OR3A2: variants seen among roughly 807,000 people sequenced by gnomAD.
OR3A2 encodes olfactory receptor family 3 subfamily A member 2, also known as olfactory receptor 3A2.
For synonymous variants in OR3A2, 126 were observed against 159.3 expected (o/e 0.79, Z 1.57); for missense variants, 318 against 392.8 (o/e 0.81, Z 1.61).
chr17:3,362,024 T>C (rs1361053921), intron 2 of OR3A2, among the ~76,000 whole-genome samples: 2 of 151,650 alleles, frequency 1.3e-5, no homozygotes, highest in Non-Finnish European at 2.9e-5. Flanking sequence ...TGGTAGAATT[T>C]GGCTGTGAAT....
chr17:3,352,003 C>G (rs563442763), intron 2 of OR3A2, among the ~76,000 whole-genome samples: 2 of 152,082 alleles, frequency 1.3e-5, no homozygotes, highest in Admixed American at 1.3e-4. Context: ...AAACTGGATC[C>G]CTTCCTTACA....
chr17:3,334,611 C>G lies in OR3A2; in HGVS notation c.-85+1422G>C, dbSNP rs1189796076. Among the ~76,000 whole-genome samples, 4 of 152,122 alleles carry G rather than the reference C, an allele frequency of 2.6e-5. No homozygotes were observed. The East Asian group carries it at 7.7e-4, about 29-fold the overall frequency. On this transcript the variant is annotated intron_variant, in intron 3 of 4. Coordinates refer to the OR3A2 transcript ENST00000573491. ...GACTGCTCTCACATGTTTTCTCTTCCAGGTTGACTATAGAATTATTTTTGC... is the reference window on the plus strand; with the variant it reads ...GACTGCTCTCACATGTTTTCTCTTCGAGGTTGACTATAGAATTATTTTTGC...
intron 2 of OR3A2, among the ~76,000 whole-genome samples, chr17:3,364,619 G>A (rs567602578): frequency 1.3e-5 from 2 of 152,270 alleles, no homozygotes; most frequent in South Asian, 4.2e-4. Flanking sequence ...ACAAGCATTG[G>A]CAAGGATATG....
intron 2 of OR3A2, among the ~76,000 whole-genome samples, chr17:3,348,588 C>G (rs1398645078): frequency 6.6e-6 from 1 of 152,080 alleles, no homozygotes; most frequent in Non-Finnish European, 1.5e-5. Flanking sequence ...AGAATGGAAC[C>G]AAGTTGGAAA....
At chr17:3,292,040 G>A (rs2048875778) in intron 3 of OR3A2, 3 of 1,614,230 alleles carry the variant, frequency 1.9e-6, no homozygotes, top group Non-Finnish European at 2.5e-6. Context: ...GGAGGTCACA[G>A]TAGAAGTGAT....
chr17:3,322,303 T>C (rs2049131001), intron 3 of OR3A2, among the ~76,000 whole-genome samples: 1 of 152,190 alleles, frequency 6.6e-6, no homozygotes, highest in Non-Finnish European at 1.5e-5. Flanking sequence ...ATCAATTTTG[T>C]TGATCTTTTC....
At chr17:3,348,085 T>G (rs938420853) in intron 2 of OR3A2, among the ~76,000 whole-genome samples, 1 of 152,158 alleles carries the variant, frequency 6.6e-6, no homozygotes, top group African/African-American at 2.4e-5. Context: ...CACTTTTTGA[T>G]GGGGTTGTTT....
chr17:3,376,598 C>G (rs1170889670), intron 2 of OR3A2, among the ~76,000 whole-genome samples: 2 of 152,164 alleles, frequency 1.3e-5, no homozygotes, highest in African/African-American at 4.8e-5. Context: ...TGTCACCCAG[C>G]TTCCATGCAG....
intron 2 of OR3A2, among the ~76,000 whole-genome samples, chr17:3,380,284 A>T (rs2049722964): frequency 6.6e-6 from 1 of 152,212 alleles, no homozygotes; most frequent in Admixed American, 6.5e-5. Flanking sequence ...AATACACGAG[A>T]ACGACCTGCC....
At chr17:3,365,492 G>C (rs2049554822) in intron 2 of OR3A2, among the ~76,000 whole-genome samples, 1 of 152,186 alleles carries the variant, frequency 6.6e-6, no homozygotes, top group African/African-American at 2.4e-5. Flanking sequence ...GATAATGGAG[G>C]CTATGCTGAG....
intron 3 of OR3A2, among the ~76,000 whole-genome samples, chr17:3,300,515 C>T (rs12944331): frequency 0.47 from 70,974 of 151,652 alleles, 18,033 homozygotes; most frequent in East Asian, 0.96. Context: ...GCTGAGATCA[C>T]ACCACTGCAC....
intron 3 of OR3A2, among the ~76,000 whole-genome samples, chr17:3,323,360 C>G (rs1282441288): frequency 6.6e-6 from 1 of 151,926 alleles, no homozygotes; most frequent in East Asian, 1.9e-4. Context: ...TATTTATATT[C>G]AAAGTTAATA....
intron 3 of OR3A2, among the ~76,000 whole-genome samples, chr17:3,306,475 A>G (rs1470515254): frequency 6.6e-6 from 1 of 152,118 alleles, no homozygotes; most frequent in Non-Finnish European, 1.5e-5. Context: ...TTCCTCATCC[A>G]GGAGGCACCA....
At chr17:3,315,808 C>A (rs545867595) in intron 3 of OR3A2, among the ~76,000 whole-genome samples, 11 of 149,640 alleles carry the variant, frequency 7.4e-5, no homozygotes, top group African/African-American at 2.2e-4. Flanking sequence ...AGTGTTTTCT[C>A]TCCAGCCTTC....
At position 3,311,824 on chromosome 17, in the gene OR3A2, C is replaced by A; in HGVS notation, c.-85+24209G>T. The A allele has an allele frequency of 5.2e-6, 1 of 191,274 alleles. No homozygotes were observed. The highest frequency in any genetic ancestry group is 1.1e-5 in the Non-Finnish European group (1 of 89,978). 11.8% of individuals were successfully genotyped at this position (191,274 alleles called of 1,614,324 possible). The stretch of plus-strand genomic sequence containing the variant: ...AGACAAAGATAAGGGGATTGGGATC[C>A]TCAACACTATCCTCAGTCCCATGCT... On this transcript the variant is annotated intron_variant, in intron 3 of 4. Coordinates refer to the OR3A2 transcript ENST00000573491. The surrounding 1 kb of genome is among the most constrained non-coding windows in gnomAD (Gnocchi z 4.6).
intron 2 of OR3A2, among the ~76,000 whole-genome samples, chr17:3,361,289 GC>G (rs1210722836): frequency 6.6e-6 from 1 of 151,236 alleles, no homozygotes; most frequent in East Asian, 1.9e-4. Context: ...TGCTGAAGTT[GC>G]TTATCAGCTT....
At chr17:3,329,191 G>A (rs911292495) in intron 3 of OR3A2, among the ~76,000 whole-genome samples, 1 of 151,774 alleles carries the variant, frequency 6.6e-6, no homozygotes, top group African/African-American at 2.4e-5. Flanking sequence ...TTGTGACTCT[G>A]CCCGGCTTTG....
intron 2 of OR3A2, among the ~76,000 whole-genome samples, chr17:3,346,863 A>C (rs1367791256): frequency 2.0e-5 from 3 of 152,162 alleles, no homozygotes; most frequent in Non-Finnish European, 2.9e-5. Flanking sequence ...TTTGCAAATG[A>C]CTGACTCTCA....
exon 2 of OR3A2, chr17:3,277,580 G>A (rs1365447085): frequency 5.8e-6 from 1 of 173,636 alleles, no homozygotes; most frequent in Non-Finnish European, 1.3e-5. Context: ...GCCAAAAACA[G>A]GGTAAAACTT....
Sources: allele counts gnomAD v4.1 joint callset (sites outside exome capture counted in the v4.1 genomes callset), GRCh38; gene constraint gnomAD v4.1.1; non-coding constraint Gnocchi (gnomAD v3.1); transcripts MANE v1.5; gene names NCBI Gene and HGNC (gene_info 2026-07-23, HGNC 2026-07-21).